Variants in NSMAF observed in about 807,000 individuals in gnomAD.
NSMAF encodes neutral sphingomyelinase activation associated factor.
Under a neutral mutation model 134.9 loss-of-function variants are expected in NSMAF, and 90 were observed. That is an observed-to-expected ratio of 0.67 (90% CI 0.56 to 0.79). The LOEUF is 0.79. NSMAF is among the 30% of genes least tolerant of loss of function. The pLI is 0.00. For synonymous variants in NSMAF, 358 were observed against 389.6 expected, an observed-to-expected ratio of 0.92 and a Z score of 0.96; for missense variants, 1,010 against 1,119.0, an observed-to-expected ratio of 0.90 and a Z score of 1.39.
chr8:58,611,952 A>G (rs1442762225), intron 9 of NSMAF, among the ~76,000 whole-genome samples: 2 of 152,200 alleles, frequency 1.3e-5, no homozygotes, highest in African/African-American at 4.8e-5. Context: ...ATAAAAAAAT[A>G]TATCATTTGG....
chr8:58,652,635 G>A (rs559720678), intron 1 of NSMAF, among the ~76,000 whole-genome samples: 8 of 152,224 alleles, frequency 5.3e-5, no homozygotes, highest in East Asian at 1.9e-4. Flanking sequence ...GTAGCTGAAC[G>A]TTACCCCAGG....
intron 1 of NSMAF, among the ~76,000 whole-genome samples, chr8:58,657,262 C>T (rs1236104671): frequency 6.6e-6 from 1 of 152,210 alleles, no homozygotes; most frequent in Non-Finnish European, 1.5e-5. Flanking sequence ...ATGCTCATTT[C>T]AAGTTTCTTT....
intron 27 of NSMAF, 121 bp from the exon 28 acceptor site, chr8:58,586,729 C>T (rs1214405082): frequency 2.8e-6 from 2 of 725,302 alleles, no homozygotes; most frequent in Non-Finnish European, 4.5e-6. Flanking sequence ...GTGCAGTATG[C>T]CGGTGTTGCT....
At chr8:58,621,509 T>A (rs2129144088) in intron 9 of NSMAF, among the ~76,000 whole-genome samples, 2 of 152,314 alleles carry the variant, frequency 1.3e-5, no homozygotes, top group Middle Eastern at 3.4e-3. Flanking sequence ...GTAGCTCTGT[T>A]TTAAGTTCTT....
At chr8:58,624,945 T>A (rs1806884269) in intron 6 of NSMAF, among the ~76,000 whole-genome samples, 1 of 152,214 alleles carries the variant, frequency 6.6e-6, no homozygotes, top group African/African-American at 2.4e-5. Flanking sequence ...TACATACATA[T>A]GGTGATGATT....
intron 1 of NSMAF, among the ~76,000 whole-genome samples, chr8:58,652,686 AC>A (rs887851381): frequency 6.6e-6 from 1 of 151,820 alleles, no homozygotes; most frequent in African/African-American, 2.4e-5. Flanking sequence ...TCTGTGAGGT[AC>A]CCCCCCAACA....
intron 6 of NSMAF, among the ~76,000 whole-genome samples, chr8:58,628,236 C>T (rs983375051): frequency 2.6e-5 from 4 of 152,090 alleles, no homozygotes; most frequent in Non-Finnish European, 5.9e-5. Context: ...AAAATCAACA[C>T]AAGATGGATC....
intron 27 of NSMAF, 84 bp from the exon 28 acceptor site, chr8:58,586,692 T>A (rs990872384): frequency 6.6e-5 from 73 of 1,099,598 alleles, no homozygotes; most frequent in Non-Finnish European, 9.4e-5. Context: ...AAATATGTAG[T>A]CATCATGATA....
chr8:58,628,460 T>G (rs1806985976), intron 6 of NSMAF, among the ~76,000 whole-genome samples: 1 of 152,258 alleles, frequency 6.6e-6, no homozygotes, highest in African/African-American at 2.4e-5. Flanking sequence ...TCTCCTTTTA[T>G]GTTAATGATA....
intron 9 of NSMAF, among the ~76,000 whole-genome samples, chr8:58,620,392 T>C (rs1563534906): frequency 1.3e-5 from 2 of 152,164 alleles, no homozygotes; most frequent in East Asian, 3.9e-4. Context: ...GGGCACAGAA[T>C]TCAAGATGCA....
chr8:58,627,349 TG>T (rs1394764345), intron 6 of NSMAF, among the ~76,000 whole-genome samples: 8 of 152,174 alleles, frequency 5.3e-5, no homozygotes, highest in Admixed American at 2.0e-4. Flanking sequence ...AACATAGTAA[TG>T]GAAGTCCTAG....
At chr8:58,584,260 T>C (rs1279313360) in intron 30 of NSMAF, 60 bp from the exon 31 acceptor site, 1 of 1,164,212 alleles carries the variant, frequency 8.6e-7, no homozygotes, top group African/African-American at 1.5e-5. Context: ...AAAGATAAAC[T>C]TTACTCTGAT....
At chr8:58,611,577 T>C (rs4738696) in intron 9 of NSMAF, among the ~76,000 whole-genome samples, 19,750 of 151,702 alleles carry the variant, frequency 0.13, 3,120 homozygotes, top group African/African-American at 0.37. Flanking sequence ...AGCAGAGAAA[T>C]AGAAACTATG....
intron 1 of NSMAF, chr8:58,659,148 T>G (rs1463113048): frequency 7.3e-7 from 1 of 1,363,076 alleles, no homozygotes; most frequent in Non-Finnish European, 9.4e-7. Flanking sequence ...TGGACCCGAT[T>G]AAGGGGAAGG....
chr8:58,589,422 T>G (rs948529810), intron 26 of NSMAF, 30 bp downstream of exon 26: 1 of 1,425,414 alleles, frequency 7.0e-7, no homozygotes, highest in Non-Finnish European at 9.2e-7. Context: ...GCACACCAAG[T>G]TAAAAAAACT....
chr8:58,589,374 T>C (rs140230826), intron 26 of NSMAF, 78 bp downstream of exon 26: 83 of 1,179,138 alleles, frequency 7.0e-5, no homozygotes, highest in Non-Finnish European at 8.6e-5. Flanking sequence ...AATATCTGTA[T>C]GTACATTTTA....
intron 9 of NSMAF, among the ~76,000 whole-genome samples, chr8:58,613,215 ATGTATC>A (rs1806570537): frequency 6.6e-6 from 1 of 152,212 alleles, no homozygotes; most frequent in East Asian, 1.9e-4. Context: ...AAACACATAT[ATGTATC>A]TAAATTCTTT....
At chr8:58,625,663 C>T (rs1585750074) in intron 6 of NSMAF, among the ~76,000 whole-genome samples, 1 of 152,130 alleles carries the variant, frequency 6.6e-6, no homozygotes, top group Admixed American at 6.5e-5. Flanking sequence ...TTCAGCCTAT[C>T]TGTGTCCTTA....
chr8:58,597,340 GA>G, intron 21 of NSMAF, 46 bp downstream of exon 21: 1 of 1,524,974 alleles, frequency 6.6e-7, no homozygotes, highest in Non-Finnish European at 9.1e-7. Flanking sequence ...TTTCATCACA[GA>G]AGAGAAACAA....
Sources: allele counts gnomAD v4.1 joint callset (sites outside exome capture counted in the v4.1 genomes callset), GRCh38; gene constraint gnomAD v4.1.1; transcripts MANE v1.5; gene names NCBI Gene and HGNC (gene_info 2026-07-23, HGNC 2026-07-21).